Variants in PRKN observed in about 807,000 individuals in gnomAD.
PRKN encodes E3 ubiquitin-protein ligase parkin.
In PRKN, 56 loss-of-function variants were observed where a neutral mutation model predicts 59.5. That is an observed-to-expected ratio of 0.94 (90% CI 0.76 to 1.18). The LOEUF (loss-of-function observed/expected upper bound fraction) is 1.18, where lower values mean the gene tolerates loss of function less well. Among genes scored for constraint, PRKN ranks in the 50% most tolerant of loss-of-function variants. The probability of loss-of-function intolerance (pLI) is 0.00; values close to 1 mark genes in which losing one functional copy is unlikely to be tolerated. For missense variants in PRKN, 657 were observed against 596.4 expected, an observed-to-expected ratio of 1.10 and a Z score of -1.06; for synonymous variants, 250 against 222.1, an observed-to-expected ratio of 1.13 and a Z score of -1.12.
rs1362034367 is a variant in PRKN, at chr6:161,530,603, A to G, written c.1083+18251T>C. 6.7e-6 allele frequency among the ~76,000 whole-genome samples: 1 copy of G among 148,320 alleles called. No homozygotes were observed. Among genetic ancestry groups the G allele is most frequent in the Non-Finnish European group, 1.5e-5 (1 of 67,298 alleles). The stretch of plus-strand genomic sequence containing the variant: ...ATGATCTCGGCTCACCGCAACCTCC[A>G]CCTCCCAGGTTCAAGCGCTTCTCCT... On this transcript the variant is annotated intron_variant, in intron 9 of 11. Transcript: ENST00000366898. The surrounding 1 kb of genome is among the most constrained non-coding windows in gnomAD (Gnocchi z 5.0).
chr6:162,219,974 G>T (rs1213846891), intron 3 of PRKN, among the ~76,000 whole-genome samples: 1 of 152,098 alleles, frequency 6.6e-6, no homozygotes, highest in Non-Finnish European at 1.5e-5. Flanking sequence ...CCTATAATCT[G>T]TGTATATCCT....
intron 4 of PRKN, among the ~76,000 whole-genome samples, chr6:162,172,655 T>C (rs1201407083): frequency 6.6e-6 from 1 of 152,212 alleles, no homozygotes; most frequent in African/African-American, 2.4e-5. Flanking sequence ...GGGACAAATG[T>C]AGCTCCTCTA....
chr6:161,954,226 C>A (rs1583399683), intron 6 of PRKN, among the ~76,000 whole-genome samples: 2 of 152,336 alleles, frequency 1.3e-5, no homozygotes, highest in African/African-American at 4.8e-5. Flanking sequence ...AGGCATATGG[C>A]TTCTGTGAAT....
At chr6:162,082,442 A>T (rs895949443) in intron 4 of PRKN, among the ~76,000 whole-genome samples, 2 of 152,124 alleles carry the variant, frequency 1.3e-5, no homozygotes, top group Admixed American at 1.3e-4. Flanking sequence ...GGCTTAAGGA[A>T]ATGTAGCTGG....
intron 1 of PRKN, among the ~76,000 whole-genome samples, chr6:162,584,208 G>A (rs1312186610): frequency 2.6e-5 from 3 of 116,208 alleles, no homozygotes; most frequent in Admixed American, 1.0e-4. Context: ...GTGAGACTCC[G>A]TCTCAAAAAA....
At chr6:161,927,933 C>T (rs1779027564) in intron 6 of PRKN, among the ~76,000 whole-genome samples, 1 of 152,126 alleles carries the variant, frequency 6.6e-6, no homozygotes, top group Non-Finnish European at 1.5e-5. Context: ...ACAAGGATAA[C>T]ATTTATGTTT....
intron 9 of PRKN, among the ~76,000 whole-genome samples, chr6:161,474,597 C>CTT (rs758067408): frequency 6.9e-6 from 1 of 144,174 alleles, no homozygotes; most frequent in Non-Finnish European, 1.5e-5. Flanking sequence ...TTCACCATTA[C>CTT]TTTTTTTTTT....
At chr6:161,713,521 A>T (rs1397038547) in intron 7 of PRKN, among the ~76,000 whole-genome samples, 2 of 152,178 alleles carry the variant, frequency 1.3e-5, no homozygotes, top group Admixed American at 6.5e-5. Context: ...AAAATATACT[A>T]CTATCACTCC....
At chr6:162,357,975 G>C (rs377762351) in intron 2 of PRKN, among the ~76,000 whole-genome samples, 1 of 152,084 alleles carries the variant, frequency 6.6e-6, no homozygotes, top group African/African-American at 2.4e-5. Flanking sequence ...TCTGCATGAC[G>C]TTATAACGGT....
chr6:162,553,424 G>A (rs76088770), intron 1 of PRKN, among the ~76,000 whole-genome samples: 46 of 80,600 alleles, frequency 5.7e-4, no homozygotes, highest in South Asian at 1.5e-3. Context: ...ATAGATATAG[G>A]GGGGGTGCTG....
At chr6:162,352,342 G>A (rs1784658802) in intron 2 of PRKN, among the ~76,000 whole-genome samples, 2 of 152,146 alleles carry the variant, frequency 1.3e-5, no homozygotes, top group African/African-American at 4.8e-5. Context: ...GAGTCAAACC[G>A]CAGGACTGCC....
chr6:162,010,893 TATATATACTATAATATATTAAATATATA>T (rs1782589864), intron 5 of PRKN, among the ~76,000 whole-genome samples: 1 of 9,398 alleles, frequency 1.1e-4, no homozygotes, highest in Non-Finnish European at 1.3e-4. Context: ...TATAATATAT[TATATATACTATAATATATTAAATATATA>T]ATATATAATA....
At chr6:162,232,942 G>C (rs1156347509) in intron 3 of PRKN, among the ~76,000 whole-genome samples, 3 of 151,688 alleles carry the variant, frequency 2.0e-5, no homozygotes, top group African/African-American at 7.3e-5. Flanking sequence ...AAAAAAAAAA[G>C]TCATGGTAAA....
chr6:162,234,723 T>C (rs1014517902), intron 3 of PRKN, among the ~76,000 whole-genome samples: 3 of 152,244 alleles, frequency 2.0e-5, no homozygotes, highest in African/African-American at 7.2e-5. Context: ...AAGTATTTTT[T>C]ATGGATTGGT....
intron 1 of PRKN, among the ~76,000 whole-genome samples, chr6:162,592,837 AAAT>A (rs1781363243): frequency 1.5e-5 from 2 of 129,360 alleles, no homozygotes; most frequent in Admixed American, 7.7e-5. Context: ...TATAAGAAAA[AAAT>A]AATGTGTGGT....
chr6:161,956,589 C>T (rs1562417315), intron 6 of PRKN, among the ~76,000 whole-genome samples: 1 of 151,972 alleles, frequency 6.6e-6, no homozygotes, highest in African/African-American at 2.4e-5. Flanking sequence ...AAGGATAGTT[C>T]CATCCATCTA....
intron 5 of PRKN, among the ~76,000 whole-genome samples, chr6:162,023,892 T>C (rs1386561449): frequency 1.3e-5 from 2 of 152,206 alleles, no homozygotes; most frequent in Non-Finnish European, 2.9e-5. Context: ...TTTTGGTTAC[T>C]ATAACCTTGT....
intron 2 of PRKN, among the ~76,000 whole-genome samples, chr6:162,372,787 G>C (rs893656461): frequency 6.6e-6 from 1 of 151,940 alleles, no homozygotes; most frequent in African/African-American, 2.4e-5. Context: ...GTTAAGAAGG[G>C]GACTTTGCAG....
At position 162,665,386 on chromosome 6, in the gene PRKN, A is replaced by C. The variant is rs546985520; in HGVS notation, c.7+62276T>G. Among the ~76,000 whole-genome samples, 13 of 152,132 alleles carry C rather than the reference A, an allele frequency of 8.5e-5. No individual in the cohort carries two copies. The East Asian group carries it at 2.3e-3, about 27-fold the overall frequency. On this transcript the variant is annotated intron_variant, in intron 1 of 11. Transcript: ENST00000366898. ...AAATCACAAGAATTCCTTTATACTG[A>C]CAACAGGCAAGCAGAGAGACAAATC...
Sources: allele counts gnomAD v4.1 joint callset (sites outside exome capture counted in the v4.1 genomes callset), GRCh38; gene constraint gnomAD v4.1.1; non-coding constraint Gnocchi (gnomAD v3.1); transcripts MANE v1.5; gene names NCBI Gene and HGNC (gene_info 2026-07-23, HGNC 2026-07-21).